Variants in RYR2 observed in about 807,000 individuals in gnomAD.
The protein encoded by RYR2 is cardiac muscle ryanodine receptor-calcium release channel.
RYR2 carries 227 observed loss-of-function variants against 601.1 expected under a neutral mutation model. The observed-to-expected ratio is 0.38, with a 90% CI of 0.34 to 0.42. The LOEUF is 0.42. Among genes scored for constraint, RYR2 ranks in the 10% least tolerant of loss-of-function variants. The pLI is 1.00. For missense variants in RYR2, 4,646 were observed against 6,156.5 expected (o/e 0.75, Z 8.21); for synonymous variants, 2,223 against 2,175.1 (o/e 1.02, Z -0.61).
chr1:237,476,197 T>C (rs1289195133), intron 17 of RYR2, among the ~76,000 whole-genome samples: 2 of 152,168 alleles, frequency 1.3e-5, no homozygotes, highest in East Asian at 1.9e-4. Flanking sequence ...TGAAGTCCTG[T>C]CTGGGTTTAA....
At chr1:237,099,309 C>T (rs147216596) in intron 1 of RYR2, among the ~76,000 whole-genome samples, 176 of 152,196 alleles carry the variant, frequency 1.2e-3, no homozygotes, top group African/African-American at 4.2e-3. Flanking sequence ...GTGATCATGG[C>T]TCACTGCAGT....
intron 80 of RYR2, among the ~76,000 whole-genome samples, chr1:237,749,752 CATGCAAGTTTTT>C (rs1692385737): frequency 1.3e-5 from 2 of 152,122 alleles, no homozygotes. Context: ...TTGATGAAAG[CATGCAAGTTTTT>C]ATCACTTTTT....
At chr1:237,495,796 C>A (rs1322793342) in intron 19 of RYR2, among the ~76,000 whole-genome samples, 2 of 152,158 alleles carry the variant, frequency 1.3e-5, no homozygotes, top group Non-Finnish European at 2.9e-5. Context: ...CAAAGCTTAG[C>A]TTAGGAAAAT....
At chr1:237,502,423 C>T (rs1664734433) in intron 21 of RYR2, among the ~76,000 whole-genome samples, 1 of 152,146 alleles carries the variant, frequency 6.6e-6, no homozygotes, top group South Asian at 2.1e-4. Context: ...AAGCAGCAGT[C>T]CCCAACCTTT....
chr1:237,658,847 G>A (rs1268719433), intron 54 of RYR2, among the ~76,000 whole-genome samples: 1 of 152,162 alleles, frequency 6.6e-6, no homozygotes, highest in African/African-American at 2.4e-5. Context: ...TCGGCCAGGT[G>A]ATTTTTTTGT....
intron 101 of RYR2, among the ~76,000 whole-genome samples, chr1:237,828,140 A>G (rs1172554920): frequency 2.0e-5 from 3 of 152,048 alleles, no homozygotes; most frequent in Admixed American, 2.0e-4. Context: ...TCCTGCTGTC[A>G]CTTCATTTTA....
At chr1:237,694,848 A>G (rs1420366167) in intron 63 of RYR2, among the ~76,000 whole-genome samples, 1 of 152,196 alleles carries the variant, frequency 6.6e-6, no homozygotes, top group Non-Finnish European at 1.5e-5. Flanking sequence ...ACACTCTGCA[A>G]TTTCTCTCTA....
intron 10 of RYR2, among the ~76,000 whole-genome samples, chr1:237,411,301 G>A (rs1030024129): frequency 6.6e-6 from 1 of 152,122 alleles, no homozygotes; most frequent in African/African-American, 2.4e-5. Flanking sequence ...AAAAAAGAAT[G>A]CTGAGATCCT....
chr1:237,532,449 A>C (rs1040749215), intron 25 of RYR2, among the ~76,000 whole-genome samples: 27 of 152,064 alleles, frequency 1.8e-4, no homozygotes, highest in African/African-American at 6.3e-4. Flanking sequence ...GCCTTTGTTC[A>C]GTTTCTTGAA....
intron 75 of RYR2, 61 bp downstream of exon 75, chr1:237,726,369 T>A: frequency 1.9e-6 from 2 of 1,057,320 alleles, no homozygotes; most frequent in South Asian, 2.9e-5. Flanking sequence ...ATGTTGGGAT[T>A]TTTTCTTTCT....
At chr1:237,668,656 C>G (rs960399082) in intron 58 of RYR2, among the ~76,000 whole-genome samples, 11 of 152,098 alleles carry the variant, frequency 7.2e-5, no homozygotes, top group Non-Finnish European at 1.6e-4. Context: ...TTTTGTAATC[C>G]TTATTGTATA....
chr1:237,593,101 A>G (rs2805413), intron 32 of RYR2, among the ~76,000 whole-genome samples: 60,016 of 151,464 alleles, frequency 0.4, 13,319 homozygotes, highest in Admixed American at 0.5. Flanking sequence ...TGCTTAATGG[A>G]TTCGTGGTTT....
chr1:237,438,096 A>G (rs1707576366), intron 12 of RYR2, among the ~76,000 whole-genome samples: 1 of 152,102 alleles, frequency 6.6e-6, no homozygotes, highest in Non-Finnish European at 1.5e-5. Flanking sequence ...TTCCAATCTG[A>G]TGCTAAGCTG....
chr1:237,173,925 C>T (rs901982845), intron 1 of RYR2, among the ~76,000 whole-genome samples: 9 of 152,132 alleles, frequency 5.9e-5, no homozygotes, highest in Middle Eastern at 3.4e-3. Flanking sequence ...GGCGTGGTGG[C>T]GGGCGCCTGT....
At chr1:237,250,176 C>T (rs183387243) in intron 1 of RYR2, among the ~76,000 whole-genome samples, 42 of 152,320 alleles carry the variant, frequency 2.8e-4, no homozygotes, top group African/African-American at 9.9e-4. Context: ...GAGACGGGCA[C>T]ACTGCTCCCA....
intron 97 of RYR2, among the ~76,000 whole-genome samples, chr1:237,798,801 C>CACACACACACACACACACATAT (rs3835529): frequency 6.7e-6 from 1 of 148,400 alleles, no homozygotes; most frequent in African/African-American, 2.6e-5. Context: ...CACACACACA[C>CACACACACACACACACACATAT]ATATAGTGTG....
chr1:237,191,200 C>CT (rs1273669632), intron 1 of RYR2, among the ~76,000 whole-genome samples: 1 of 152,078 alleles, frequency 6.6e-6, no homozygotes, highest in Non-Finnish European at 1.5e-5. Context: ...TCTTGGTACC[C>CT]TTGTCAAAAG....
chr1:237,166,629 C>T (rs146340060), intron 1 of RYR2, among the ~76,000 whole-genome samples: 15 of 152,088 alleles, frequency 9.9e-5, no homozygotes, highest in African/African-American at 3.4e-4. Context: ...GGATTTGTTA[C>T]GTCATTGAGT....
chr1:237,481,223 C>T (rs185097413), intron 17 of RYR2, among the ~76,000 whole-genome samples: 115 of 151,502 alleles, frequency 7.6e-4, no homozygotes, highest in Non-Finnish European at 1.3e-3. Context: ...ATGAGTTAAC[C>T]CCCTGTTAAC....
Sources: gnomAD v4.1 joint callset for allele counts (sites outside exome capture counted in the v4.1 genomes callset) on GRCh38, gnomAD v4.1.1 for gene constraint, MANE v1.5 for transcripts, NCBI Gene and HGNC (gene_info 2026-07-23, HGNC 2026-07-21) for gene names.